The following PLET1 variants were observed in gnomAD, a reference collection of about 807,000 sequenced individuals.
PLET1 encodes the protein placenta expressed transcript 1.
PLET1 carries 20 observed loss-of-function variants against 18.5 expected under a neutral mutation model. The ratio of observed to expected loss-of-function variants is 1.08; its 90% CI spans 0.76 to 1.57. PLET1 has a LOEUF of 1.57. PLET1 is among the 40% of genes most tolerant of loss of function. PLET1 has a pLI of 0.00. For synonymous variants in PLET1, 93 were observed against 93.8 expected (o/e 0.99, Z 0.05); for missense variants, 256 against 246.4 (o/e 1.04, Z -0.26).
chr11:112,254,785 T>TGTGTG (rs1860200178), intron 2 of PLET1, among the ~76,000 whole-genome samples: 9 of 47,412 alleles, frequency 1.9e-4, no homozygotes, highest in Non-Finnish European at 3.3e-4. Context: ...ACGCATCGTG[T>TGTGTG]GTGTGTGGTG....
chr11:112,252,680 T>A (rs560260910), intron 2 of PLET1, among the ~76,000 whole-genome samples: 1 of 152,314 alleles, frequency 6.6e-6, no homozygotes, highest in South Asian at 2.1e-4. Context: ...CCTCTGGTCT[T>A]TGTTCAAGCC....
At chr11:112,257,202 C>T (rs1860232695) in intron 1 of PLET1, among the ~76,000 whole-genome samples, 1 of 152,188 alleles carries the variant, frequency 6.6e-6, no homozygotes, top group South Asian at 2.1e-4. Flanking sequence ...TAAGGGCAGC[C>T]AGCCTTTCCC....
At chr11:112,257,859 A>G (rs1860239383) in intron 1 of PLET1, among the ~76,000 whole-genome samples, 1 of 152,200 alleles carries the variant, frequency 6.6e-6, no homozygotes, top group Admixed American at 6.5e-5. Flanking sequence ...GTGGCCATTT[A>G]CTCAGAGTCC....
intron 3 of PLET1, among the ~76,000 whole-genome samples, chr11:112,249,271 TTTG>T (rs1156976361): frequency 4.6e-5 from 7 of 152,136 alleles, no homozygotes; most frequent in Non-Finnish European, 5.9e-5. Flanking sequence ...AACTGCTGCA[TTTG>T]TTGTTGGGGT....
Position 112,260,400 on chromosome 11 carries a change from A to G in PLET1, c.184+6T>C, listed in dbSNP as rs1860275716. 7 of 1,549,186 alleles carry G rather than the reference A, an allele frequency of 4.5e-6. No homozygotes were observed. Among genetic ancestry groups the G allele is most frequent in the East Asian group, 2.4e-5 (1 of 40,912 alleles). ...AAGGACAGCAGAGAGCATGGCTTCT[A>G]CTCACCAGAATAGACTGCATTGCTT... On this transcript the variant is annotated splice_donor_region_variant and intron_variant, in intron 1 of 3. Transcript: ENST00000338832.
intron 1 of PLET1, among the ~76,000 whole-genome samples, chr11:112,258,334 A>T (rs1317046462): frequency 7.5e-6 from 1 of 133,170 alleles, no homozygotes; most frequent in Non-Finnish European, 1.5e-5. Flanking sequence ...CCTAGGCTGG[A>T]GTGCAGTGAC....
chr11:112,255,630 C>G (rs1860217949), intron 1 of PLET1, 41 bp from the exon 2 acceptor site: 1 of 1,527,524 alleles, frequency 6.5e-7, no homozygotes, highest in African/African-American at 1.4e-5. Context: ...CATCTGTTCC[C>G]TCTGAGCCAA....
rs117833696 is a variant in PLET1 at position 112,252,128 on chromosome 11, A to G, written c.448+220T>C. Among the ~76,000 whole-genome samples the G allele has an allele frequency of 3.0e-3, 464 of 152,290 alleles. 1 individual carries two copies. The highest frequency in any genetic ancestry group is 4.9e-3 in the Non-Finnish European group (334 of 68,000). On this transcript the variant is annotated intron_variant, in intron 3 of 3. Coordinates refer to ENST00000338832, the MANE Select transcript of PLET1 (RefSeq NM_001145024.1). ...CCCTGAGAATATAAAGACCCTGGGA[A>G]TTTGCAGAAATCTTGGGGGAGGGCT...
chr11:112,259,993 G>A (rs1224248816), intron 1 of PLET1, among the ~76,000 whole-genome samples: 1 of 152,284 alleles, frequency 6.6e-6, no homozygotes, highest in African/African-American at 2.4e-5. Flanking sequence ...AGCTGAAATT[G>A]TACCATTACA....
At chr11:112,254,969 AGTGTG>A (rs1860207070) in intron 2 of PLET1, among the ~76,000 whole-genome samples, 1 of 23,234 alleles carries the variant, frequency 4.3e-5, no homozygotes, top group African/African-American at 1.2e-4. Flanking sequence ...TATGTATGTG[AGTGTG>A]GTGTGTGTGT....
chr11:112,259,291 G>A (rs1860260173), intron 1 of PLET1, among the ~76,000 whole-genome samples: 1 of 152,166 alleles, frequency 6.6e-6, no homozygotes, highest in Non-Finnish European at 1.5e-5. Context: ...CATTTAAGTA[G>A]CTCCGGGACC....
chr11:112,250,959 A>G (rs1860149293), intron 3 of PLET1, among the ~76,000 whole-genome samples: 1 of 152,240 alleles, frequency 6.6e-6, no homozygotes, highest in African/African-American at 2.4e-5. Flanking sequence ...GTTGTTGAAT[A>G]TAATTCTCCC....
At chr11:112,250,068 TAGC>T (rs1860138796) in intron 3 of PLET1, among the ~76,000 whole-genome samples, 3 of 149,834 alleles carry the variant, frequency 2.0e-5, no homozygotes, top group African/African-American at 7.4e-5. Context: ...TCCAGTAAGG[TAGC>T]ATTGTCTAAT....
chr11:112,260,166 G>A, intron 1 of PLET1: 2 of 463,352 alleles, frequency 4.3e-6, no homozygotes, highest in South Asian at 8.7e-5. Flanking sequence ...CTGGGACTCA[G>A]TGAATCTGGG....
chr11:112,249,057 G>A (rs1391683721), intron 3 of PLET1, 83 bp from the exon 4 acceptor site: 2 of 1,272,124 alleles, frequency 1.6e-6, no homozygotes, highest in African/African-American at 3.0e-5. Flanking sequence ...ACTCGAGAAA[G>A]GAGGGTAATC....
intron 3 of PLET1, among the ~76,000 whole-genome samples, 151 bp downstream of exon 3, chr11:112,252,192 ATATTC>A (rs1457191653): frequency 2.0e-5 from 3 of 152,164 alleles, no homozygotes; most frequent in African/African-American, 7.2e-5. Context: ...GGTTGGGCAA[ATATTC>A]TATAGGTCTC....
At chr11:112,260,373 C>G (rs1398800325) in intron 1 of PLET1, 33 bp downstream of exon 1, 6 of 1,524,324 alleles carry the variant, frequency 3.9e-6, no homozygotes, top group Non-Finnish European at 5.3e-6. Context: ...CCTCAGGGAA[C>G]AAAGGACAGC....
chr11:112,260,655 T>C lies in PLET1; in HGVS notation c.-66A>G. On this transcript the variant is annotated 5_prime_UTR_variant, in exon 1 of 4. The change creates a new upstream start codon in the 5' untranslated region. Transcript: ENST00000338832. Reference sequence around the variant, plus strand: ...TGAAACTGACAACTCACCTCTTGTTTATATGCCAGGGCTTCTGGGTGAAGT... The same window carrying C: ...TGAAACTGACAACTCACCTCTTGTTCATATGCCAGGGCTTCTGGGTGAAGT... 7.2e-7 allele frequency: 1 copy of C among 1,383,278 alleles called. No individual in the cohort carries two copies. Among genetic ancestry groups the C allele is most frequent in the Non-Finnish European group, 9.9e-7 (1 of 1,013,392 alleles). The allele number at this position is 1,383,278 out of a possible 1,614,324, so 85.7% of individuals were successfully genotyped here.
chr11:112,252,374 A>G lies in PLET1; in HGVS notation c.422T>C (p.Leu141Pro), dbSNP rs181805767. The change falls in exon 3 of 4, where the codon CTT (leucine) becomes CCT (proline). Residue 141 changes from leucine to proline, a missense_variant. Transcript: ENST00000338832. ...TTTTTCTCTTAGCTTCAGAGTAGAA[A>G]GTATAGGCAGCGCTCTGATCTGGAC... ...FTVQIRALPILSTLKLREKLS... is the reference protein window; with the variant it reads ...FTVQIRALPIPSTLKLREKLS... 128 of 1,551,462 alleles carry G rather than the reference A, an allele frequency of 8.3e-5. No individual in the cohort carries two copies. In the African/African-American group the frequency reaches 1.5e-3, roughly 18 times the overall value.
Sources: allele counts gnomAD v4.1 joint callset (sites outside exome capture counted in the v4.1 genomes callset), GRCh38; gene constraint gnomAD v4.1.1; transcripts MANE v1.5; gene names NCBI Gene and HGNC (gene_info 2026-07-23, HGNC 2026-07-21).